Variants in RFTN1 observed in about 807,000 individuals in gnomAD.
The protein encoded by RFTN1 is raftlin, lipid raft linker 1, also known as raftlin.
RFTN1 carries 26 observed loss-of-function variants against 46.5 expected under a neutral mutation model. That is an observed-to-expected ratio of 0.56 (90% CI 0.41 to 0.78). The LOEUF is 0.78. RFTN1 is among the 30% of genes least tolerant of loss of function. RFTN1 has a pLI of 0.00. For missense variants in RFTN1, 693 were observed against 718.7 expected, an observed-to-expected ratio of 0.96 and a Z score of 0.41; for synonymous variants, 261 against 284.2, an observed-to-expected ratio of 0.92 and a Z score of 0.82.
At chr3:16,485,953 A>G (rs2076440831) in intron 2 of RFTN1, among the ~76,000 whole-genome samples, 1 of 152,230 alleles carries the variant, frequency 6.6e-6, no homozygotes, top group Non-Finnish European at 1.5e-5. Flanking sequence ...ATCTGAAAAG[A>G]AAAGAAAAAT....
intron 2 of RFTN1, among the ~76,000 whole-genome samples, chr3:16,463,366 C>G (rs1161346398): frequency 2.0e-5 from 3 of 152,132 alleles, no homozygotes; most frequent in Non-Finnish European, 4.4e-5. Context: ...CTATATGTTC[C>G]ATTTTTCCCT....
Position 16,455,145 on chromosome 3 carries a change from G to T in RFTN1, c.146-21108C>A, listed in dbSNP as rs2075884251. Among the ~76,000 whole-genome samples the T allele has an allele frequency of 2.6e-5, 4 of 152,212 alleles. 1 individual carries two copies. In the South Asian group the frequency reaches 8.3e-4, roughly 32 times the overall value. On this transcript the variant is annotated intron_variant, in intron 2 of 9. Transcript: ENST00000334133. ...TCCTTGCTCACAAGAGTTGGACCCT[G>T]TTGGGATCAGCAAACAGCTGCAGCA... is the stretch of plus-strand genomic sequence containing the variant.
rs1332325349 is a variant in RFTN1, at chr3:16,391,772, G to C, written c.442-13670C>G. Among the ~76,000 whole-genome samples, 7 of 151,358 alleles carry C rather than the reference G, an allele frequency of 4.6e-5. No homozygotes were observed. In the East Asian group the frequency reaches 9.7e-4, roughly 21 times the overall value. ...AATAAGGCTCTTTGATAATGAAGGG[G>C]AAGTCATTTAAAAGCTGGATTGACC... is the stretch of plus-strand genomic sequence containing the variant. On this transcript the variant is annotated intron_variant, in intron 4 of 9. Transcript: ENST00000334133.
Position 16,405,786 on chromosome 3 carries a change from G to C in RFTN1, c.441+3589C>G, listed in dbSNP as rs1347071714. 4.6e-5 allele frequency among the ~76,000 whole-genome samples: 7 copies of C among 152,122 alleles called. No individual in the cohort carries two copies. In the East Asian group the frequency reaches 1.3e-3, roughly 29 times the overall value. On this transcript the variant is annotated intron_variant, in intron 4 of 9. Transcript: ENST00000334133. ...AATTCTAATATGCAGAGAAGAATAT[G>C]AACCTGTCCTGCATGATGGTACTAT...
chr3:16,398,270 A>AAAAAAAAAAAAG (rs1395431533), intron 4 of RFTN1, among the ~76,000 whole-genome samples: 1 of 131,170 alleles, frequency 7.6e-6, no homozygotes, highest in African/African-American at 3.1e-5. Flanking sequence ...AAAAAAAAAA[A>AAAAAAAAAAAAG]AAAGAAGCAT....
Position 16,380,590 on chromosome 3 carries a change from A to G in RFTN1, c.442-2488T>C, listed in dbSNP as rs2073953416. Among the ~76,000 whole-genome samples, 1 of 152,194 alleles carries G rather than the reference A, an allele frequency of 6.6e-6. No homozygotes were observed. Among genetic ancestry groups the G allele is most frequent in the African/African-American group, 2.4e-5 (1 of 41,452 alleles). ...CAGGGGTTCTCAAAGTGTGGGCCCC[A>G]GACCAGAGCATCAGCATCCCCTGGG... is the stretch of plus-strand genomic sequence containing the variant. On this transcript the variant is annotated intron_variant, in intron 4 of 9. Coordinates refer to ENST00000334133, the MANE Select transcript of RFTN1 (RefSeq NM_015150.2). The surrounding 1 kb of genome is among the most constrained non-coding windows in gnomAD (Gnocchi z 4.8).
chr3:16,392,644 A>T (rs2125405934), intron 4 of RFTN1, among the ~76,000 whole-genome samples: 1 of 146,740 alleles, frequency 6.8e-6, no homozygotes, highest in East Asian at 2.0e-4. Flanking sequence ...ATACATACAT[A>T]AAAGTTATAT....
chr3:16,405,297 G>A (rs1378305042), intron 4 of RFTN1, among the ~76,000 whole-genome samples: 1 of 152,062 alleles, frequency 6.6e-6, no homozygotes, highest in Admixed American at 6.6e-5. Flanking sequence ...TCGAGCATTC[G>A]GCTCTAGGAC....
chr3:16,471,154 CA>C (rs2076187884), intron 2 of RFTN1, among the ~76,000 whole-genome samples: 1 of 152,174 alleles, frequency 6.6e-6, no homozygotes, highest in South Asian at 2.1e-4. Flanking sequence ...AAGGATTGAT[CA>C]AAACCCTATT....
In RFTN1 at chr3:16,447,741, T is replaced by C. The variant is rs2075757907; in HGVS notation, c.146-13704A>G. ...CAATCAGGTGAAAATCATTTCTAAT[T>C]ACACCCAGAAGAAAAATACGATCTA... On this transcript the variant is annotated intron_variant, in intron 2 of 9. Coordinates refer to ENST00000334133, the MANE Select transcript of RFTN1 (RefSeq NM_015150.2). This position sits in a 1 kb window ranked among gnomAD's most constrained non-coding sequence, Gnocchi z 5.9. Among the ~76,000 whole-genome samples the C allele has an allele frequency of 6.6e-6, 1 of 152,188 alleles. No individual in the cohort carries two copies. The highest frequency in any genetic ancestry group is 2.1e-4 in the South Asian group (1 of 4,834).
intron 4 of RFTN1, among the ~76,000 whole-genome samples, chr3:16,403,101 G>T (rs2074645340): frequency 6.6e-6 from 1 of 152,162 alleles, no homozygotes; most frequent in African/African-American, 2.4e-5. Context: ...TTCACTGAGG[G>T]GACACCTTCA....
chr3:16,397,027 C>T (rs527652329), intron 4 of RFTN1, among the ~76,000 whole-genome samples: 6 of 147,278 alleles, frequency 4.1e-5, no homozygotes, highest in Admixed American at 6.8e-5. Flanking sequence ...TTCACCATTG[C>T]ACTCCAGCCT....
rs1386752937 is a variant in RFTN1, at chr3:16,512,220, A to T, written c.-9+1222T>A. Among the ~76,000 whole-genome samples the T allele has an allele frequency of 1.3e-5, 2 of 152,156 alleles. No individual in the cohort carries two copies. Among genetic ancestry groups the T allele is most frequent in the Non-Finnish European group, 2.9e-5 (2 of 68,034 alleles). On this transcript the variant is annotated intron_variant, in intron 1 of 9. Coordinates refer to ENST00000334133, the MANE Select transcript of RFTN1 (RefSeq NM_015150.2). The surrounding 1 kb of genome is among the most constrained non-coding windows in gnomAD (Gnocchi z 4.3). ...GCAGAGAGGCCCTACCCACAGGCCC[A>T]GAGGTCGCTCACATTACACCCGGCT...
intron 4 of RFTN1, among the ~76,000 whole-genome samples, chr3:16,398,704 A>G (rs2074533150): frequency 6.6e-6 from 1 of 152,190 alleles, no homozygotes; most frequent in Admixed American, 6.5e-5. Context: ...AAGTCATGTC[A>G]GCCTTGATAC....
rs369367230 is a variant in RFTN1 at position 16,425,019 on chromosome 3, ACT to A, written c.332+8830_332+8831del. 3.9e-4 allele frequency among the ~76,000 whole-genome samples: 59 copies of A among 152,316 alleles called. No homozygotes were observed. Among genetic ancestry groups the A allele is most frequent in the African/African-American group, 1.3e-3 (55 of 41,570 alleles). ...CAATTCAACAGAGTTGAATAGGTAG[ACT>A]ATTCAATACAAGACTCCCACAAAGA... On this transcript the variant is annotated intron_variant, in intron 3 of 9. Transcript: ENST00000334133. This position sits in a 1 kb window ranked among gnomAD's most constrained non-coding sequence, Gnocchi z 4.3.
rs1407569680 is a variant in RFTN1 at position 16,336,425 on chromosome 3, C to T, written c.1147-9549G>A. Among the ~76,000 whole-genome samples the T allele has an allele frequency of 6.6e-6, 1 of 152,226 alleles. No homozygotes were observed. Among genetic ancestry groups the T allele is most frequent in the Non-Finnish European group, 1.5e-5 (1 of 68,040 alleles). ...GGCGACCTGCTGCTCTGTGGAGAAA[C>T]AGCAAAGCCCTCTGCAGCCAGCACA... On this transcript the variant is annotated intron_variant, in intron 7 of 9. Transcript: ENST00000334133. The surrounding 1 kb of genome is among the most constrained non-coding windows in gnomAD (Gnocchi z 6.0).
At chr3:16,347,416 T>C (rs1046637278) in intron 7 of RFTN1, among the ~76,000 whole-genome samples, 3 of 152,252 alleles carry the variant, frequency 2.0e-5, no homozygotes, top group Non-Finnish European at 4.4e-5. Context: ...GTCAAGGTTA[T>C]AACAGGCCCA....
Position 16,320,215 on chromosome 3 carries a change from C to G in RFTN1, c.1333-2983G>C, listed in dbSNP as rs1387650801. 6.6e-6 allele frequency among the ~76,000 whole-genome samples: 1 copy of G among 152,214 alleles called. No homozygotes were observed. Among genetic ancestry groups the G allele is most frequent in the Non-Finnish European group, 1.5e-5 (1 of 68,038 alleles). ...AGTCTTCCCGAGTTGTAGAAATCAC[C>G]TACTCCCTTTGAAGAAGTTTAATAT... On this transcript the variant is annotated intron_variant, in intron 9 of 9. Coordinates refer to ENST00000334133, the MANE Select transcript of RFTN1 (RefSeq NM_015150.2). This position sits in a 1 kb window ranked among gnomAD's most constrained non-coding sequence, Gnocchi z 4.5.
At chr3:16,463,767 T>C (rs976257150) in intron 2 of RFTN1, among the ~76,000 whole-genome samples, 2 of 152,244 alleles carry the variant, frequency 1.3e-5, no homozygotes, top group African/African-American at 4.8e-5. Context: ...CATCATGTAT[T>C]AGAAAGTTGA....
Sources: gnomAD v4.1 joint callset for allele counts (sites outside exome capture counted in the v4.1 genomes callset) on GRCh38, gnomAD v4.1.1 for gene constraint, Gnocchi (gnomAD v3.1) non-coding constraint, MANE v1.5 for transcripts, NCBI Gene and HGNC (gene_info 2026-07-23, HGNC 2026-07-21) for gene names.